Variants in TENT4B observed in about 807,000 individuals in gnomAD.
TENT4B encodes PAP associated domain containing 5.
Under a neutral mutation model 75.0 loss-of-function variants are expected in TENT4B, and 10 were observed. The observed-to-expected ratio is 0.13, with a 90% CI of 0.08 to 0.23. The LOEUF (loss-of-function observed/expected upper bound fraction) is 0.23, where lower values mean the gene tolerates loss of function less well. Among genes scored for constraint, TENT4B ranks in the 10% least tolerant of loss-of-function variants. The probability of loss-of-function intolerance (pLI) is 1.00; values close to 1 mark genes in which losing one functional copy is unlikely to be tolerated. For missense variants in TENT4B, 579 were observed against 893.8 expected, an observed-to-expected ratio of 0.65 and a Z score of 4.49; for synonymous variants, 350 against 357.7, an observed-to-expected ratio of 0.98 and a Z score of 0.24.
Position 50,229,682 on chromosome 16 carries a change from G to A in TENT4B, c.*354G>A. 2.0e-6 allele frequency: 2 copies of A among 999,576 alleles called. No individual in the cohort carries two copies. The highest frequency in any genetic ancestry group is 1.0e-4 in the East Asian group (1 of 9,930). 61.9% of individuals were successfully genotyped at this position (999,576 alleles called of 1,614,324 possible). On this transcript the variant is annotated 3_prime_UTR_variant, in exon 12 of 12. Coordinates refer to ENST00000561678, the MANE Select transcript of TENT4B (RefSeq NM_001365324.3). ...GAATAGTATTCAGTGTTGGTAGGGT[G>A]ATAGAAACAAAAAACAGTATCAGAG...
At position 50,231,607 on chromosome 16, in the gene TENT4B, G is replaced by A; in HGVS notation, c.*2279G>A. 5.1e-6 allele frequency: 5 copies of A among 985,784 alleles called. No homozygotes were observed. Among genetic ancestry groups the A allele is most frequent in the Non-Finnish European group, 6.0e-6 (5 of 829,906 alleles). 61.1% of individuals were successfully genotyped at this position (985,784 alleles called of 1,614,324 possible). On this transcript the variant is annotated 3_prime_UTR_variant, in exon 12 of 12. Transcript: ENST00000561678. The stretch of plus-strand genomic sequence containing the variant: ...AATTCTGATTCCATTGGGAATCTTA[G>A]GTTTTCGTAAATTTATTGGGAAAAT...
chr16:50,224,971 A>C lies in TENT4B; in HGVS notation c.1589A>C (p.Asn530Thr). The change falls in exon 9 of 12, where the codon AAT becomes ACT. Residue 530 changes from asparagine (N) to threonine (T), a missense_variant. By Grantham distance (65) the Asn-to-Thr change is moderately conservative. Coordinates refer to ENST00000561678, the MANE Select transcript of TENT4B (RefSeq NM_001365324.3). ...DWISKQWGLKNRPEPSCNGNG... is the reference protein window; with the variant it reads ...DWISKQWGLKTRPEPSCNGNG... ...ATATCAAAGCAGTGGGGCTTGAAGA[A>C]TAGACCTGAGCCTTCATGCAATGGT... The C allele has an allele frequency of 6.2e-7, 1 of 1,613,804 alleles. No homozygotes were observed. Among genetic ancestry groups the C allele is most frequent in the African/African-American group, 1.3e-5 (1 of 75,036 alleles).
At chr16:50,192,109 G>A (rs2038651927) in intron 1 of TENT4B, among the ~76,000 whole-genome samples, 1 of 151,736 alleles carries the variant, frequency 6.6e-6, no homozygotes, top group Non-Finnish European at 1.5e-5. Context: ...ACGCATGGTG[G>A]TAAGCACCTG....
rs946909471 is a variant in TENT4B at position 50,153,973 on chromosome 16, C to A, written c.352C>A (p.Pro118Thr). The change falls in exon 1 of 12, where the codon CCC becomes ACC. Residue 118 changes from proline (P) to threonine (T), a missense_variant. Coordinates refer to ENST00000561678, the MANE Select transcript of TENT4B (RefSeq NM_001365324.3). ...CAACAACAACAACAACCACCACCAG[C>A]CCGGGGCCTGGGCCCGCCGGGCGGG... Reference protein sequence around the residue: ...TTNNNNNHHQPGAWARRAGSS... With the variant: ...TTNNNNNHHQTGAWARRAGSS... The A allele has an allele frequency of 8.6e-5, 132 of 1,534,036 alleles. No individual in the cohort carries two copies. Among genetic ancestry groups the A allele is most frequent in the African/African-American group, 1.9e-4 (14 of 72,864 alleles).
chr16:50,187,314 G>A (rs995755113), intron 1 of TENT4B, among the ~76,000 whole-genome samples: 18 of 152,322 alleles, frequency 1.2e-4, no homozygotes, highest in Admixed American at 5.2e-4. Flanking sequence ...TGGGCGCAGT[G>A]GCTCACGCCT....
At chr16:50,181,096 A>G (rs1337879902) in intron 1 of TENT4B, among the ~76,000 whole-genome samples, 4 of 152,258 alleles carry the variant, frequency 2.6e-5, no homozygotes, top group Admixed American at 6.5e-5. Flanking sequence ...TTGGATTAAA[A>G]GTAAAAATAT....
chr16:50,226,579 C>T (rs2032065951), intron 10 of TENT4B, among the ~76,000 whole-genome samples: 2 of 152,152 alleles, frequency 1.3e-5, no homozygotes, highest in Admixed American at 1.3e-4. Context: ...CAGGTGCCCG[C>T]CACCACACCC....
intron 10 of TENT4B, among the ~76,000 whole-genome samples, chr16:50,227,305 C>T (rs1308864348): frequency 1.3e-5 from 2 of 152,136 alleles, no homozygotes; most frequent in Non-Finnish European, 2.9e-5. Flanking sequence ...GGGTAGAGTG[C>T]CAGGGCCAGG....
chr16:50,232,896 TG>T lies in TENT4B; in HGVS notation c.*3569del. The T allele has an allele frequency of 1.0e-6, 1 of 985,428 alleles. No homozygotes were observed. Among genetic ancestry groups the T allele is most frequent in the Non-Finnish European group, 1.2e-6 (1 of 829,904 alleles). The allele number at this position is 985,428 out of a possible 1,614,324, so 61.0% of individuals were successfully genotyped here. On this transcript the variant is annotated 3_prime_UTR_variant, in exon 12 of 12. Coordinates refer to ENST00000561678, the MANE Select transcript of TENT4B (RefSeq NM_001365324.3). ...CCAAGAATGTTTCTAGGCAGTTGGT[TG>T]CTTCACAGTCAAAACTAAATGGTAA... is the stretch of plus-strand genomic sequence containing the variant.
chr16:50,226,638 G>T (rs2032068326), intron 10 of TENT4B, among the ~76,000 whole-genome samples: 1 of 151,120 alleles, frequency 6.6e-6, no homozygotes, highest in African/African-American at 2.4e-5. Context: ...CCGTGGTCTT[G>T]ATCGCCTGAC....
intron 1 of TENT4B, among the ~76,000 whole-genome samples, chr16:50,174,388 A>G (rs967373232): frequency 6.6e-6 from 1 of 152,190 alleles, no homozygotes; most frequent in Non-Finnish European, 1.5e-5. Context: ...GTGAGCCACC[A>G]TGCCCGGCTT....
At chr16:50,221,800 G>A (rs1326349928) in intron 5 of TENT4B, among the ~76,000 whole-genome samples, 2 of 147,524 alleles carry the variant, frequency 1.4e-5, no homozygotes, top group African/African-American at 5.0e-5. Context: ...GTCTTGCTCT[G>A]TCACCCAGGC....
Position 50,153,570 on chromosome 16 carries a change from G to GGCGGCC in TENT4B, c.-51_-46dup. 1 of 977,860 alleles carries GGCGGCC rather than the reference G, an allele frequency of 1.0e-6. No individual in the cohort carries two copies. The highest frequency in any genetic ancestry group is 1.2e-6 in the Non-Finnish European group (1 of 827,018). 60.6% of individuals were successfully genotyped at this position (977,860 alleles called of 1,614,324 possible). ...GGCGTGCGCCTGAGGCGGCGGCGGC[G>GGCGGCC]GCGGCCCTGCGGGCGGCCGGGAGGG... On this transcript the variant is annotated 5_prime_UTR_variant, in exon 1 of 12. Coordinates refer to ENST00000561678, the MANE Select transcript of TENT4B (RefSeq NM_001365324.3).
intron 1 of TENT4B, among the ~76,000 whole-genome samples, chr16:50,172,760 A>G (rs1305595858): frequency 1.3e-5 from 2 of 152,108 alleles, no homozygotes; most frequent in African/African-American, 4.8e-5. Context: ...GCATTATAGT[A>G]TCATATTGAG....
intron 1 of TENT4B, among the ~76,000 whole-genome samples, chr16:50,171,607 C>T (rs994322591): frequency 6.6e-6 from 1 of 152,094 alleles, no homozygotes; most frequent in Admixed American, 6.6e-5. Flanking sequence ...ATTTGTACAA[C>T]ACAGGCTGGA....
chr16:50,211,655 C>T lies in TENT4B; in HGVS notation c.762+209C>T, dbSNP rs958111641. Among the ~76,000 whole-genome samples the T allele has an allele frequency of 4.6e-5, 7 of 152,090 alleles. No individual in the cohort carries two copies. In the East Asian group the frequency reaches 1.2e-3, roughly 25 times the overall value. On this transcript the variant is annotated intron_variant, in intron 2 of 11. Coordinates refer to ENST00000561678, the MANE Select transcript of TENT4B (RefSeq NM_001365324.3). Reference sequence around the variant, plus strand: ...TTTCATTGGATTGGATGACTAACAACTATTTTTTTTTTGTAGTGCTAATAG... The same window carrying T: ...TTTCATTGGATTGGATGACTAACAATTATTTTTTTTTTGTAGTGCTAATAG...
chr16:50,161,164 C>T (rs182410923), intron 1 of TENT4B, among the ~76,000 whole-genome samples: 39 of 152,302 alleles, frequency 2.6e-4, no homozygotes, highest in African/African-American at 4.8e-4. Flanking sequence ...CTTAAGATTA[C>T]ACGTAATTGT....
At chr16:50,195,479 G>T (rs2030168905) in intron 1 of TENT4B, among the ~76,000 whole-genome samples, 1 of 152,204 alleles carries the variant, frequency 6.6e-6, no homozygotes, top group Admixed American at 6.5e-5. Flanking sequence ...AATTAAGCAG[G>T]AAGAGTGAGC....
chr16:50,162,680 A>C (rs2038024290), intron 1 of TENT4B, among the ~76,000 whole-genome samples: 1 of 152,142 alleles, frequency 6.6e-6, no homozygotes, highest in East Asian at 1.9e-4. Context: ...TTTTACTCTT[A>C]GCAGTAACAT....
Sources: gnomAD v4.1 joint callset for allele counts (sites outside exome capture counted in the v4.1 genomes callset) on GRCh38, gnomAD v4.1.1 for gene constraint, MANE v1.5 for transcripts, NCBI Gene and HGNC (gene_info 2026-07-23, HGNC 2026-07-21) for gene names.